The following ERC2 variants were observed in gnomAD, a reference collection of about 807,000 sequenced individuals.
ERC2 encodes the protein ELKS/RAB6-interacting/CAST family member 2, also known as ERC protein 2.
A neutral mutation model predicts 114.8 loss-of-function variants in ERC2; 42 were observed. The observed-to-expected ratio is 0.37, with a 90% CI of 0.29 to 0.47. The LOEUF is 0.47. ERC2 is among the 20% of genes least tolerant of loss of function. The pLI, the probability that ERC2 is intolerant of heterozygous loss-of-function variation, is 0.99. For missense variants in ERC2, 939 were observed against 1,150.7 expected (o/e 0.82, Z 2.66); for synonymous variants, 454 against 425.5 (o/e 1.07, Z -0.82).
At chr3:56,273,241 C>T (rs2053770684) in intron 3 of ERC2, among the ~76,000 whole-genome samples, 1 of 149,156 alleles carries the variant, frequency 6.7e-6, no homozygotes, top group South Asian at 2.1e-4. Context: ...TTCAAGGACA[C>T]CTCCCACTTT....
intron 3 of ERC2, among the ~76,000 whole-genome samples, chr3:56,267,052 C>A (rs114582400): frequency 1.1e-3 from 160 of 152,218 alleles, no homozygotes; most frequent in African/African-American, 3.6e-3. Context: ...GGACCAGAAG[C>A]ATTTTGGATT....
At chr3:55,606,032 C>T (rs553382615) in intron 17 of ERC2, among the ~76,000 whole-genome samples, 1 of 152,248 alleles carries the variant, frequency 6.6e-6, no homozygotes, top group Non-Finnish European at 1.5e-5. Context: ...GCACAAGAAG[C>T]ATAAGGCCAA....
chr3:56,063,429 A>T (rs965706561), intron 7 of ERC2, among the ~76,000 whole-genome samples: 3 of 152,258 alleles, frequency 2.0e-5, no homozygotes, highest in African/African-American at 7.2e-5. Flanking sequence ...CTCTTAAAAA[A>T]TTGAGGAGTT....
At chr3:55,802,206 C>A (rs2071116170) in intron 14 of ERC2, among the ~76,000 whole-genome samples, 1 of 152,130 alleles carries the variant, frequency 6.6e-6, no homozygotes, top group Non-Finnish European at 1.5e-5. Context: ...AATTTAATAT[C>A]CTGAACGTTA....
intron 1 of ERC2, among the ~76,000 whole-genome samples, chr3:56,465,277 T>C (rs1024530010): frequency 6.6e-6 from 1 of 152,216 alleles, no homozygotes. Context: ...CGGGCACCTG[T>C]AATCCCAGCT....
At chr3:55,603,656 A>AT (rs2058513808) in intron 17 of ERC2, among the ~76,000 whole-genome samples, 2 of 151,988 alleles carry the variant, frequency 1.3e-5, no homozygotes, top group African/African-American at 2.4e-5. Flanking sequence ...AAAAAAAAAA[A>AT]AAAAAAGCCC....
rs111767381 is a variant in ERC2 at position 56,452,621 on chromosome 3, G to A, written c.-141+15627C>T. Among the ~76,000 whole-genome samples, 76 of 152,184 alleles carry A rather than the reference G, an allele frequency of 5.0e-4. 1 individual carries two copies. Among genetic ancestry groups the A allele is most frequent in the African/African-American group, 1.7e-3 (69 of 41,532 alleles). ...ATTTAAGCCAACCCTGGGGTTCTAC[G>A]AGAAATTATTTTCATTAAAAAAGAT... is the stretch of plus-strand genomic sequence containing the variant. On this transcript the variant is annotated intron_variant, in intron 1 of 17. Coordinates refer to ENST00000288221, the MANE Select transcript of ERC2 (RefSeq NM_015576.3).
At chr3:55,539,855 T>A (rs2054276286) in intron 17 of ERC2, among the ~76,000 whole-genome samples, 2 of 152,126 alleles carry the variant, frequency 1.3e-5, no homozygotes, top group Admixed American at 1.3e-4. Flanking sequence ...ATTTCAGTAA[T>A]GTTTATTAAA....
At chr3:56,077,084 C>A (rs1406086546) in intron 7 of ERC2, among the ~76,000 whole-genome samples, 1 of 152,198 alleles carries the variant, frequency 6.6e-6, no homozygotes, top group Non-Finnish European at 1.5e-5. Context: ...TCCAAGCCTG[C>A]CCTAAAACAG....
intron 14 of ERC2, among the ~76,000 whole-genome samples, chr3:55,780,425 G>A (rs989126047): frequency 6.6e-6 from 1 of 151,834 alleles, no homozygotes. Context: ...AAAGACAATG[G>A]AAAAAGTTTC....
chr3:55,543,362 C>T (rs1175248032), intron 17 of ERC2, among the ~76,000 whole-genome samples: 2 of 152,194 alleles, frequency 1.3e-5, no homozygotes, highest in South Asian at 2.1e-4. Flanking sequence ...GGAAATGTTT[C>T]GGCCGGACAT....
intron 14 of ERC2, among the ~76,000 whole-genome samples, chr3:55,852,127 G>A (rs2061599598): frequency 6.6e-6 from 1 of 152,170 alleles, no homozygotes; most frequent in Non-Finnish European, 1.5e-5. Context: ...GGCTGAGGCA[G>A]GAGAATTGCT....
At chr3:55,805,480 T>G (rs1197666494) in intron 14 of ERC2, among the ~76,000 whole-genome samples, 1 of 151,762 alleles carries the variant, frequency 6.6e-6, no homozygotes, top group Non-Finnish European at 1.5e-5. Flanking sequence ...AATCACCATG[T>G]GAACACTCCC....
chr3:55,537,407 T>A (rs181675789), intron 17 of ERC2, among the ~76,000 whole-genome samples: 1 of 152,354 alleles, frequency 6.6e-6, no homozygotes, highest in Admixed American at 6.5e-5. Context: ...TAACGAAGTC[T>A]GGTCCAAAGG....
chr3:56,250,973 TACTAGA>T (rs1256755344), intron 3 of ERC2, among the ~76,000 whole-genome samples: 3 of 152,208 alleles, frequency 2.0e-5, no homozygotes, highest in African/African-American at 7.2e-5. Context: ...ATCAAAAATT[TACTAGA>T]ACATGAAGGA....
At chr3:56,018,809 A>T in intron 8 of ERC2, 85 bp downstream of exon 8, 1 of 1,431,604 alleles carries the variant, frequency 7.0e-7, no homozygotes, top group Non-Finnish European at 9.6e-7. Context: ...GAAGAAAAGC[A>T]GGCACATTTA....
chr3:56,359,555 A>T (rs1267714823), intron 2 of ERC2, among the ~76,000 whole-genome samples: 2 of 152,270 alleles, frequency 1.3e-5, no homozygotes, highest in East Asian at 3.8e-4. Flanking sequence ...AGAACAGGAA[A>T]CCAAGACAAA....
chr3:55,609,362 A>T (rs1266689278), intron 17 of ERC2, among the ~76,000 whole-genome samples: 2 of 152,202 alleles, frequency 1.3e-5, no homozygotes, highest in Non-Finnish European at 2.9e-5. Context: ...TTGGTTCAGG[A>T]TGAGCACATG....
intron 15 of ERC2, among the ~76,000 whole-genome samples, chr3:55,700,844 T>A (rs1329268672): frequency 3.3e-5 from 5 of 152,168 alleles, no homozygotes; most frequent in Non-Finnish European, 7.3e-5. Context: ...CTCCCTAGAA[T>A]CTCGCATAGG....
Sources: allele counts gnomAD v4.1 joint callset (sites outside exome capture counted in the v4.1 genomes callset), GRCh38; gene constraint gnomAD v4.1.1; transcripts MANE v1.5; gene names NCBI Gene and HGNC (gene_info 2026-07-23, HGNC 2026-07-21).